ADAMTS1: variants seen among roughly 807,000 people sequenced by gnomAD.
ADAMTS1 encodes A disintegrin and metalloproteinase with thrombospondin motifs 1.
A neutral mutation model predicts 87.9 loss-of-function variants in ADAMTS1; 19 were observed. The ratio of observed to expected loss-of-function variants is 0.22; its 90% CI spans 0.15 to 0.32. The LOEUF (loss-of-function observed/expected upper bound fraction) is 0.32. ADAMTS1 is among the 10% of genes least tolerant of loss of function. ADAMTS1 has a pLI of 1.00. For missense variants in ADAMTS1, 1,240 were observed against 1,259.1 expected (o/e 0.98, Z 0.23); for synonymous variants, 542 against 501.8 (o/e 1.08, Z -1.07).
intron 1 of ADAMTS1, chr21:26,843,154 C>T (rs1277278008): frequency 7.2e-6 from 2 of 279,614 alleles, no homozygotes; most frequent in Admixed American, 1.0e-4. Context: ...GAATCTCAGA[C>T]TGCACAGCTC....
chr21:26,845,214 G>A lies in ADAMTS1; in HGVS notation c.-260C>T. ...ACTGAGAGGCAGGCGCAGGCAGAGT[G>A]GCTCTGCTGGGACAAGAAGCGCTCT... On this transcript the variant is annotated 5_prime_UTR_variant, in exon 1 of 9. Coordinates refer to ENST00000284984, the MANE Select transcript of ADAMTS1 (RefSeq NM_006988.5). The A allele has an allele frequency of 2.5e-6, 1 of 402,310 alleles. No individual in the cohort carries two copies. Among genetic ancestry groups the A allele is most frequent in the Non-Finnish European group, 4.3e-6 (1 of 233,318 alleles). 24.9% of individuals were successfully genotyped at this position (402,310 alleles called of 1,614,324 possible). A position where few individuals can be genotyped will look rare whatever the true frequency, so the allele number is the denominator to read the frequency against.
In ADAMTS1 at chr21:26,835,775, T is replaced by C. The variant is rs149379679; in HGVS notation, c.*1804A>G. The stretch of plus-strand genomic sequence containing the variant: ...AGAACTGAAAGCTCTTTCCATTTAA[T>C]TTATGGTATATACCAGGGTTGGCAA... On this transcript the variant is annotated 3_prime_UTR_variant, in exon 9 of 9. Transcript: ENST00000284984. The C allele has an allele frequency of 8.8e-5, 13 of 147,182 alleles. No homozygotes were observed. Among genetic ancestry groups the C allele is most frequent in the African/African-American group, 2.9e-4 (12 of 41,448 alleles). The allele number at this position is 147,182 out of a possible 1,614,324, so 9.1% of individuals were successfully genotyped here.
At chr21:26,840,238 CT>C in intron 5 of ADAMTS1, 37 bp downstream of exon 5, 2 of 1,595,374 alleles carry the variant, frequency 1.3e-6, no homozygotes, top group Non-Finnish European at 1.7e-6. Flanking sequence ...TCACTTTGTT[CT>C]TTTCAATTCT....
Position 26,839,638 on chromosome 21 carries a change from C to T in ADAMTS1, c.1977G>A (p.Lys659=), listed in dbSNP as rs746430209. 7 of 1,612,804 alleles carry T rather than the reference C, an allele frequency of 4.3e-6. No homozygotes were observed. The East Asian group carries it at 1.3e-4, about 31-fold the overall frequency. The change falls in exon 7 of 9, where the codon AAG becomes AAA. Residue 659 remains lysine, a synonymous_variant. Coordinates refer to ENST00000284984, the MANE Select transcript of ADAMTS1 (RefSeq NM_006988.5). ...CAATGCCTTTGGCTTGGCAGATGAGCTTGCACCTGTCCTTTGGTGAGACGC... is the reference window on the plus strand; with the variant it reads ...CAATGCCTTTGGCTTGGCAGATGAGTTTGCACCTGTCCTTTGGTGAGACGC... ...YAGVSPKDRC[K]LICQAKGIGY...
chr21:26,837,880 T>C lies in ADAMTS1; in HGVS notation c.2603A>G (p.Lys868Arg). 1 of 1,614,188 alleles carries C rather than the reference T, an allele frequency of 6.2e-7. No homozygotes were observed. Among genetic ancestry groups the C allele is most frequent in the South Asian group, 1.1e-5 (1 of 91,084 alleles). Residue 868 changes from lysine (K) to arginine (R), a missense_variant, in exon 9 of 9, where the codon AAG becomes AGG. Around this residue, in one of 3 missense-constraint regions of ADAMTS1, gnomAD observed 402 missense variants for 399.1 expected, o/e 1.01. Transcript: ENST00000284984. ...WVIEEWGECS[K>R]SCELGWQRRL... ...TCTCTGCCAACCCAATTCACATGAC[T>C]TAGAACATTCGCCCCACTCTTCAAT... is the stretch of plus-strand genomic sequence containing the variant.
chr21:26,843,414 G>A (rs954181372), intron 1 of ADAMTS1: 24 of 461,276 alleles, frequency 5.2e-5, no homozygotes, highest in South Asian at 3.7e-4. Flanking sequence ...GGGAAAAGGG[G>A]AGAATTCTTT....
At chr21:26,842,709 C>T in intron 1 of ADAMTS1, 24 bp from the exon 2 acceptor site, 7 of 1,594,632 alleles carry the variant, frequency 4.4e-6, no homozygotes, top group Non-Finnish European at 6.0e-6. Context: ...AAAAAGTTTG[C>T]TTATGGTCAG....
intron 8 of ADAMTS1, 60 bp downstream of exon 8, chr21:26,838,379 A>C: frequency 6.3e-7 from 1 of 1,597,150 alleles, no homozygotes; most frequent in East Asian, 2.2e-5. Context: ...TTTTTTTCCC[A>C]GACCTGTTGA....
intron 1 of ADAMTS1, 138 bp from the exon 2 acceptor site, chr21:26,842,823 G>T: frequency 1.5e-6 from 1 of 677,388 alleles, no homozygotes; most frequent in Non-Finnish European, 2.5e-6. Flanking sequence ...AAAAATATTT[G>T]CATATCTTCA....
At chr21:26,838,726 T>A in intron 7 of ADAMTS1, 112 bp from the exon 8 acceptor site, 1 of 1,042,280 alleles carries the variant, frequency 9.6e-7, no homozygotes, top group Non-Finnish European at 1.4e-6. Flanking sequence ...TTAAACACAG[T>A]ACCCTCTACA....
chr21:26,840,101 A>C (rs755446186), intron 5 of ADAMTS1, 40 bp from the exon 6 acceptor site: 6 of 1,588,598 alleles, frequency 3.8e-6, no homozygotes, highest in Non-Finnish European at 4.3e-6. Flanking sequence ...GAATTATCTA[A>C]AGAGAACTTT....
At chr21:26,841,790 C>T in intron 3 of ADAMTS1, 68 bp downstream of exon 3, 4 of 1,526,648 alleles carry the variant, frequency 2.6e-6, no homozygotes, top group Non-Finnish European at 3.5e-6. Context: ...ACAGACTCTC[C>T]TTCTTATATT....
chr21:26,837,688 C>A lies in ADAMTS1; in HGVS notation c.2795G>T (p.Ser932Ile). 6.2e-7 allele frequency: 1 copy of A among 1,614,228 alleles called. No individual in the cohort carries two copies. The stretch of plus-strand genomic sequence containing the variant: ...TCCATCATGGGACAGACACTTCAAG[C>A]TTCTTTTTTTGTAACCCTTCCCACA... ...KTCGKGYKKR[S>I]LKCLSHDGGV... Residue 932 changes from serine (S) to isoleucine (I), a missense_variant, in exon 9 of 9, where the codon AGC (serine) becomes ATC (isoleucine). Ser to Ile is a moderately radical substitution (Grantham distance 142). Transcript: ENST00000284984.
Position 26,839,941 on chromosome 21 carries a change from T to C in ADAMTS1, c.1786A>G (p.Lys596Glu). The change falls in exon 6 of 9, where the codon AAG becomes GAG. Residue 596 changes from lysine to glutamate, a missense_variant. By Grantham distance (56) the Lys-to-Glu change is moderately conservative (BLOSUM62 1). Coordinates refer to ENST00000284984, the MANE Select transcript of ADAMTS1 (RefSeq NM_006988.5). Reference sequence around the variant, plus strand: ...CGCACTCGTTTGCCTTCACAGTACTTCCCTCCATTCTTTGGGACTGGGTTG... The same window carrying C: ...CGCACTCGTTTGCCTTCACAGTACTCCCCTCCATTCTTTGGGACTGGGTTG... ...CDNPVPKNGG[K>E]YCEGKRVRYR... 6.2e-7 allele frequency: 1 copy of C among 1,614,062 alleles called. No homozygotes were observed. Among genetic ancestry groups the C allele is most frequent in the Non-Finnish European group, 8.5e-7 (1 of 1,180,008 alleles).
In ADAMTS1 at chr21:26,845,257, G is replaced by T; in HGVS notation, c.-303C>A. 3.2e-6 allele frequency: 1 copy of T among 315,186 alleles called. No individual in the cohort carries two copies. Among genetic ancestry groups the T allele is most frequent in the Non-Finnish European group, 5.8e-6 (1 of 173,116 alleles). 19.5% of individuals were successfully genotyped at this position (315,186 alleles called of 1,614,324 possible). The stretch of plus-strand genomic sequence containing the variant: ...AGCGCTCTGGGGCGCCTCCGGGGCT[G>T]AGGCAACGCGGAGATTGGTGCCTGG... On this transcript the variant is annotated 5_prime_UTR_variant, in exon 1 of 9. Transcript: ENST00000284984.
rs147952572 is a variant in ADAMTS1 at position 26,838,564 on chromosome 21, T to C, written c.2079A>G (p.Gln693=). The C allele has an allele frequency of 1.0e-4, 168 of 1,614,190 alleles. No individual in the cohort carries two copies. The highest frequency in any genetic ancestry group is 6.3e-5 in the Non-Finnish European group (74 of 1,180,040). The change falls in exon 8 of 9, where the codon CAA becomes CAG. Residue 693 remains glutamine (Q), a synonymous_variant. Transcript: ENST00000284984. ...CACAACCAGCTTTTACACACTGTCCTTGCACACAGACAGAGGTGGAATCTG... is the reference window on the plus strand; with the variant it reads ...CACAACCAGCTTTTACACACTGTCCCTGCACACAGACAGAGGTGGAATCTG... ...CSPDSTSVCV[Q]GQCVKAGCDR...
Position 26,842,607 on chromosome 21 carries a change from A to G in ADAMTS1, c.809T>C (p.Met270Thr), listed in dbSNP as rs138669284. The change falls in exon 2 of 9, where the codon ATG becomes ACG. Residue 270 changes from methionine to threonine, a missense_variant. By Grantham distance (81) the Met-to-Thr change is moderately conservative. Transcript: ENST00000284984. ...VETMLVADQS[M>T]AEFHGSGLKH... ...TAGACCACTGCCGTGGAATTCTGCC[A>G]TCGACTGGTCTGCCACAAGCATGGT... The G allele has an allele frequency of 5.8e-4, 937 of 1,614,134 alleles. No homozygotes were observed. Among genetic ancestry groups the G allele is most frequent in the Non-Finnish European group, 7.5e-4 (889 of 1,180,020 alleles).
At chr21:26,840,083 C>T (rs1234429289) in intron 5 of ADAMTS1, 22 bp from the exon 6 acceptor site, 11 of 1,607,682 alleles carry the variant, frequency 6.8e-6, no homozygotes, top group African/African-American at 1.3e-5. Flanking sequence ...CATAAATCAT[C>T]AGCATTAGAA....
intron 1 of ADAMTS1, chr21:26,843,097 A>G (rs1985530069): frequency 3.8e-6 from 1 of 265,052 alleles, no homozygotes; most frequent in South Asian, 4.2e-5. Context: ...TCCACGTGGA[A>G]GGCCTCGGGT....
Sources: allele counts gnomAD v4.1 joint callset, GRCh38; gene constraint gnomAD v4.1.1; regional missense constraint gnomAD v4.1.1; transcripts MANE v1.5; gene names NCBI Gene and HGNC (gene_info 2026-07-23, HGNC 2026-07-21).